Variants in CDKAL1 observed in about 807,000 individuals in gnomAD.
CDKAL1 encodes the protein CDKAL1 threonylcarbamoyladenosine tRNA methylthiotransferase.
A neutral mutation model predicts 68.2 loss-of-function variants in CDKAL1; 32 were observed. That is an observed-to-expected ratio of 0.47 (90% CI 0.35 to 0.63). CDKAL1 has a LOEUF of 0.63. CDKAL1 is among the 30% of genes least tolerant of loss of function. The probability of loss-of-function intolerance (pLI) is 0.00; values close to 1 mark genes in which losing one functional copy is unlikely to be tolerated. For synonymous variants in CDKAL1, 234 were observed against 244.3 expected (o/e 0.96, Z 0.39); for missense variants, 606 against 696.7 (o/e 0.87, Z 1.47).
At chr6:20,874,096 T>G (rs1250015205) in intron 9 of CDKAL1, among the ~76,000 whole-genome samples, 1 of 151,890 alleles carries the variant, frequency 6.6e-6, no homozygotes, top group African/African-American at 2.4e-5. Context: ...GATATAGAAG[T>G]AAATAATTGG....
chr6:21,210,242 A>G (rs1179491719), intron 15 of CDKAL1, among the ~76,000 whole-genome samples: 1 of 152,180 alleles, frequency 6.6e-6, no homozygotes, highest in East Asian at 1.9e-4. Context: ...AAGAGAAGAT[A>G]TGTGCTGCTG....
intron 4 of CDKAL1, among the ~76,000 whole-genome samples, chr6:20,572,863 A>G (rs1025086731): frequency 1.8e-4 from 28 of 152,148 alleles, no homozygotes; most frequent in African/African-American, 6.5e-4. Context: ...TTGAAAGTAT[A>G]GTAGTAGTTT....
chr6:21,205,808 T>TAG (rs1778899016), intron 15 of CDKAL1, among the ~76,000 whole-genome samples: 1 of 139,456 alleles, frequency 7.2e-6, no homozygotes, highest in Admixed American at 7.4e-5. Flanking sequence ...TGGGATTACA[T>TAG]GCGTGAGCCC....
intron 9 of CDKAL1, among the ~76,000 whole-genome samples, chr6:20,928,688 T>C (rs946267268): frequency 2.6e-4 from 4 of 15,612 alleles, no homozygotes; most frequent in Non-Finnish European, 5.2e-4. Context: ...CAATATTCTT[T>C]TTTTTTTTTT....
intron 9 of CDKAL1, among the ~76,000 whole-genome samples, chr6:20,904,715 G>C (rs902690214): frequency 1.2e-4 from 18 of 152,046 alleles, no homozygotes; most frequent in Non-Finnish European, 2.4e-4. Context: ...CTTGAACCCA[G>C]GAGGCGGAGG....
At position 20,697,827 on chromosome 6, in the gene CDKAL1, A is replaced by T. The variant is rs138000398; in HGVS notation, c.372-41692A>T. ...TCAGGCCCCATTCTGCTACACAAAG[A>T]TGCCTAGTAATCATTGCTATCTCCT... On this transcript the variant is annotated intron_variant, in intron 5 of 15. Coordinates refer to ENST00000274695, the MANE Select transcript of CDKAL1 (RefSeq NM_017774.3). 3.2e-3 allele frequency among the ~76,000 whole-genome samples: 495 copies of T among 152,312 alleles called. 6 individuals are homozygous for T. The highest frequency in any genetic ancestry group is 0.011 in the African/African-American group (466 of 41,572).
In CDKAL1 at chr6:20,972,656, A is replaced by C. The variant is rs540141130; in HGVS notation, c.909+17071A>C. Among the ~76,000 whole-genome samples the C allele has an allele frequency of 4.6e-5, 7 of 152,314 alleles. No individual in the cohort carries two copies. In the East Asian group the frequency reaches 1.4e-3, roughly 29 times the overall value. On this transcript the variant is annotated intron_variant, in intron 10 of 15. Transcript: ENST00000274695. ...ACATTTCCTGTTTGGAACGTGGGTC[A>C]TCAGTGAATTAATCCATAGCCCTTG...
chr6:20,753,300 A>G (rs898636989), intron 6 of CDKAL1, among the ~76,000 whole-genome samples: 1 of 151,766 alleles, frequency 6.6e-6, no homozygotes, highest in East Asian at 1.9e-4. Context: ...GCATGTAACC[A>G]TACTTCATTC....
intron 9 of CDKAL1, among the ~76,000 whole-genome samples, chr6:20,943,977 A>G (rs1461041900): frequency 6.6e-6 from 1 of 152,212 alleles, no homozygotes; most frequent in Non-Finnish European, 1.5e-5. Flanking sequence ...GTACTCAGCC[A>G]GAGACTTGAG....
chr6:20,579,039 G>T (rs750496519), intron 4 of CDKAL1, among the ~76,000 whole-genome samples: 1 of 152,130 alleles, frequency 6.6e-6, no homozygotes, highest in African/African-American at 2.4e-5. Flanking sequence ...GTGCAGCAGC[G>T]CAATCTCGGC....
intron 4 of CDKAL1, among the ~76,000 whole-genome samples, chr6:20,608,168 T>C (rs1191766417): frequency 1.3e-5 from 2 of 152,212 alleles, no homozygotes; most frequent in Non-Finnish European, 2.9e-5. Flanking sequence ...AACAGCATTA[T>C]TATCCTTGGT....
chr6:20,703,970 A>C (rs1043531228), intron 5 of CDKAL1, among the ~76,000 whole-genome samples: 5 of 152,222 alleles, frequency 3.3e-5, no homozygotes, highest in African/African-American at 1.2e-4. Flanking sequence ...AACACTAATA[A>C]AATTATGTCT....
chr6:21,093,643 G>A (rs1773157939), intron 12 of CDKAL1, among the ~76,000 whole-genome samples: 1 of 148,494 alleles, frequency 6.7e-6, no homozygotes, highest in South Asian at 2.2e-4. Context: ...AAGAGAACTT[G>A]GATTGAATTG....
At chr6:21,168,795 T>C (rs1777251959) in intron 13 of CDKAL1, among the ~76,000 whole-genome samples, 1 of 152,208 alleles carries the variant, frequency 6.6e-6, no homozygotes, top group African/African-American at 2.4e-5. Context: ...TCAACAGAGC[T>C]TTGATATTTT....
At chr6:20,754,284 G>C (rs1381045795) in intron 6 of CDKAL1, among the ~76,000 whole-genome samples, 1 of 147,274 alleles carries the variant, frequency 6.8e-6, no homozygotes, top group Non-Finnish European at 1.5e-5. Context: ...CACCTGGCCT[G>C]CCTGTCTTTT....
intron 4 of CDKAL1, among the ~76,000 whole-genome samples, chr6:20,550,353 A>G (rs898972705): frequency 4.6e-5 from 7 of 152,176 alleles, no homozygotes; most frequent in Admixed American, 3.3e-4. Context: ...TACTATCATT[A>G]TGTATTATGC....
intron 6 of CDKAL1, among the ~76,000 whole-genome samples, chr6:20,749,540 CT>C (rs113735701): frequency 0.056 from 8,479 of 151,502 alleles, 280 homozygotes; most frequent in African/African-American, 0.094. Context: ...CCCAGATTTT[CT>C]TTTTTTTCTT....
At chr6:20,864,007 A>G (rs1486736280) in intron 9 of CDKAL1, among the ~76,000 whole-genome samples, 2 of 152,146 alleles carry the variant, frequency 1.3e-5, no homozygotes, top group Admixed American at 6.5e-5. Flanking sequence ...TTGTTTTAGT[A>G]AAAAAAGGAG....
chr6:21,113,689 G>A (rs1205056786), intron 13 of CDKAL1, among the ~76,000 whole-genome samples: 2 of 151,196 alleles, frequency 1.3e-5, no homozygotes, highest in Admixed American at 6.6e-5. Context: ...GGCCGGTCTC[G>A]AACTCCTGAC....
Sources: gnomAD v4.1 joint callset for allele counts (sites outside exome capture counted in the v4.1 genomes callset) on GRCh38, gnomAD v4.1.1 for gene constraint, MANE v1.5 for transcripts, NCBI Gene and HGNC (gene_info 2026-07-23, HGNC 2026-07-21) for gene names.